Variants in OR56A3 observed in about 807,000 individuals in gnomAD.
OR56A3 encodes olfactory receptor 56A3.
OR56A3 carries 23 observed loss-of-function variants against 17.5 expected under a neutral mutation model. The ratio of observed to expected loss-of-function variants is 1.32; its 90% CI spans 0.95 to 1.87. OR56A3 has a LOEUF of 1.87. Ranked by LOEUF, OR56A3 falls within the 40% of genes most tolerant of loss-of-function variation. OR56A3 has a pLI of 0.00. For missense variants in OR56A3, 366 were observed against 380.1 expected (o/e 0.96, Z 0.31); for synonymous variants, 175 against 150.6 (o/e 1.16, Z -1.19).
the OR56A3 span, among the ~76,000 whole-genome samples, chr11:5,975,680 G>A: frequency 2.0e-5 from 3 of 151,954 alleles, no homozygotes; most frequent in Admixed American, 1.3e-4. Flanking sequence ...GTGTGCATGT[G>A]TCTTTATAGC....
chr11:5,967,325 C>T, the OR56A3 span: 63 of 499,466 alleles, frequency 1.3e-4, 1 homozygote, highest in Non-Finnish European at 2.8e-5. Context: ...TAGATGAAGT[C>T]AAGAAAAACT....
At chr11:5,953,706 C>G (rs1182709449), downstream of OR56A3, among the ~76,000 whole-genome samples, 2 of 152,102 alleles carry the variant, frequency 1.3e-5, no homozygotes, top group African/African-American at 2.4e-5. Flanking sequence ...TTATATTTTA[C>G]TTTTTCCATA....
chr11:6,002,673 A>T, the OR56A3 span: 1 of 1,614,246 alleles, frequency 6.2e-7, no homozygotes, highest in African/African-American at 1.3e-5. Flanking sequence ...AAAACTGTTC[A>T]TGATGAACAT....
the OR56A3 span, chr11:5,968,269 G>C: frequency 1.2e-6 from 2 of 1,613,384 alleles, no homozygotes; most frequent in Non-Finnish European, 1.7e-6. Flanking sequence ...GTGAGGCAGA[G>C]TACGATGTCC....
chr11:5,986,275 G>C, the OR56A3 span: 1 of 1,613,984 alleles, frequency 6.2e-7, no homozygotes, highest in Non-Finnish European at 8.5e-7. Flanking sequence ...CAAGGCCATA[G>C]TCAGCCCATA....
chr11:6,001,956 A>G, the OR56A3 span: 1 of 1,280,282 alleles, frequency 7.8e-7, no homozygotes, highest in Non-Finnish European at 1.1e-6. Flanking sequence ...CAGGATTTAA[A>G]GTGAAATTTC....
In OR56A3 at chr11:5,950,516, C is replaced by T. The variant is rs1475184994; in HGVS notation, c.*2222C>T. The T allele has an allele frequency of 6.6e-6, 1 of 152,124 alleles. No individual in the cohort carries two copies. The highest frequency in any genetic ancestry group is 2.4e-5 in the African/African-American group (1 of 41,442). 9.4% of individuals were successfully genotyped at this position (152,124 alleles called of 1,614,324 possible). On this transcript the variant is annotated 3_prime_UTR_variant, in exon 3 of 3. Transcript: ENST00000641160. ...GAACAAGTTAACTATGGTTTTATCT[C>T]ACCAAAATAGGTAATATTAGTGAGG...
At position 5,942,546 on chromosome 11, in the gene OR56A3, TCTG is replaced by T. The variant is rs1238960572; in HGVS notation, c.-314+173_-314+175del. Among the ~76,000 whole-genome samples the T allele has an allele frequency of 2.2e-4, 33 of 152,184 alleles. 1 individual carries two copies. The highest frequency in any genetic ancestry group is 7.7e-4 in the African/African-American group (32 of 41,446). On this transcript the variant is annotated intron_variant, in intron 1 of 2. Coordinates refer to ENST00000641160, the MANE Select transcript of OR56A3 (RefSeq NM_001003443.3). ...GTAAAGAAAATTTGGAGTTTTCAAC[TCTG>T]AATATGGAAATTTAGTGGCTTGAAA...
the OR56A3 span, chr11:6,021,197 T>A: frequency 6.6e-6 from 1 of 152,034 alleles, no homozygotes; most frequent in African/African-American, 2.4e-5. Flanking sequence ...AAAAACCTAT[T>A]AGGCCTTCGA....
chr11:5,966,628 A>G, the OR56A3 span, among the ~76,000 whole-genome samples: 2 of 152,180 alleles, frequency 1.3e-5, no homozygotes, highest in African/African-American at 4.8e-5. Flanking sequence ...AGTGTAAAAC[A>G]TACTTATCCT....
chr11:5,994,070 G>A, the OR56A3 span: 6 of 479,738 alleles, frequency 1.3e-5, no homozygotes, highest in Non-Finnish European at 2.1e-5. Flanking sequence ...TTGATGTTCA[G>A]CAGGGCTTCC....
chr11:5,952,640 TAAA>T (rs1192093854), downstream of OR56A3, among the ~76,000 whole-genome samples: 1 of 149,104 alleles, frequency 6.7e-6, no homozygotes, highest in African/African-American at 2.4e-5. Flanking sequence ...TAGTGAGAAA[TAAA>T]TAATAAATAA....
downstream of OR56A3, among the ~76,000 whole-genome samples, chr11:5,954,371 T>C (rs1036174852): frequency 6.6e-6 from 1 of 152,106 alleles, no homozygotes; most frequent in African/African-American, 2.4e-5. Context: ...GAACACAGAT[T>C]TGCTGTTTTG....
At chr11:6,004,267 T>C in the OR56A3 span, among the ~76,000 whole-genome samples, 1 of 152,058 alleles carries the variant, frequency 6.6e-6, no homozygotes, top group African/African-American at 2.4e-5. Context: ...CAGAATTGCT[T>C]GAACCAGACC....
downstream of OR56A3, among the ~76,000 whole-genome samples, chr11:5,953,724 A>G (rs1847919570): frequency 6.6e-6 from 1 of 152,206 alleles, no homozygotes; most frequent in Non-Finnish European, 1.5e-5. Flanking sequence ...ATAAATTTAA[A>G]TCATTAATGT....
At chr11:5,971,203 C>A in the OR56A3 span, among the ~76,000 whole-genome samples, 1 of 152,206 alleles carries the variant, frequency 6.6e-6, no homozygotes, top group East Asian at 1.9e-4. Context: ...CCTACTAGGT[C>A]ATTGCCTTCA....
the OR56A3 span, among the ~76,000 whole-genome samples, chr11:5,992,933 G>A: frequency 2.6e-3 from 399 of 152,236 alleles, no homozygotes; most frequent in African/African-American, 9.2e-3. Context: ...TCTATTAGAT[G>A]TTCATAAATA....
rs987003782 is a variant in OR56A3 at position 5,951,248 on chromosome 11, A to G, written c.*2954A>G. 3.3e-5 allele frequency: 5 copies of G among 152,172 alleles called. No homozygotes were observed. Among genetic ancestry groups the G allele is most frequent in the Non-Finnish European group, 4.4e-5 (3 of 68,012 alleles). 9.4% of individuals were successfully genotyped at this position (152,172 alleles called of 1,614,324 possible). A position where few individuals can be genotyped will look rare whatever the true frequency, so the allele number is the denominator to read the frequency against. ...TTACTCATAACAAGTAAGGAATATT[A>G]GCATTAGAGTAATCGACAGACATTA... On this transcript the variant is annotated 3_prime_UTR_variant, in exon 3 of 3. Transcript: ENST00000641160.
chr11:5,985,783 C>G, the OR56A3 span: 1 of 665,072 alleles, frequency 1.5e-6, no homozygotes, highest in African/African-American at 1.8e-5. Context: ...TCCCAATAAG[C>G]CAAGTATCTG....
Sources: gnomAD v4.1 joint callset for allele counts (sites outside exome capture counted in the v4.1 genomes callset) on GRCh38, gnomAD v4.1.1 for gene constraint, MANE v1.5 for transcripts, NCBI Gene and HGNC (gene_info 2026-07-23, HGNC 2026-07-21) for gene names.